PTPN23: variants seen among roughly 807,000 people sequenced by gnomAD.
PTPN23 encodes the protein protein tyrosine phosphatase non-receptor type 23, also known as tyrosine-protein phosphatase non-receptor type 23.
PTPN23 carries 72 observed loss-of-function variants against 156.3 expected under a neutral mutation model. The ratio of observed to expected loss-of-function variants is 0.46; its 90% confidence interval spans 0.38 to 0.56. The LOEUF (loss-of-function observed/expected upper bound fraction) is 0.56, where lower values mean the gene tolerates loss of function less well. PTPN23 is among the 20% of genes least tolerant of loss of function. The probability of loss-of-function intolerance (pLI) is 0.00; values close to 1 mark genes in which losing one functional copy is unlikely to be tolerated. For missense variants in PTPN23, 1,974 were observed against 2,171.5 expected (o/e 0.91, Z 1.81); for synonymous variants, 957 against 899.6 (o/e 1.06, Z -1.14).
Position 47,413,422 on chromosome 3 carries a change from C to G in PTPN23, c.*237C>G. 1 of 576,774 alleles carries G rather than the reference C, an allele frequency of 1.7e-6. No individual in the cohort carries two copies. The highest frequency in any genetic ancestry group is 3.0e-6 in the Non-Finnish European group (1 of 336,748). 35.7% of individuals were successfully genotyped at this position (576,774 alleles called of 1,614,324 possible). On this transcript the variant is annotated 3_prime_UTR_variant, in exon 25 of 25. Coordinates refer to ENST00000265562, the MANE Select transcript of PTPN23 (RefSeq NM_015466.4). ...GCTCTTTGCTATTGAAATAATAAAC[C>G]ACCCTGTTCTGTGGCCCGTGTCTGA...
rs186559335 is a variant in PTPN23 at position 47,382,731 on chromosome 3, C to T, written c.84+1551C>T. On this transcript the variant is annotated intron_variant, in intron 1 of 24. Transcript: ENST00000265562. The stretch of plus-strand genomic sequence containing the variant: ...TGAGACGGAGTCTCACTCTGTCACC[C>T]AGGCTGGAGTGCAGTGGCGCAATCT... Among the ~76,000 whole-genome samples the T allele has an allele frequency of 6.4e-3, 776 of 121,612 alleles. 6 individuals carry two copies. The highest frequency in any genetic ancestry group is 0.022 in the African/African-American group (734 of 33,634). The allele number at this position is 121,612 out of a possible 152,430, so 79.8% of individuals were successfully genotyped here.
At position 47,381,111 on chromosome 3, in the gene PTPN23, C is replaced by T. The variant is rs756162016; in HGVS notation, c.15C>T (p.Pro5=). 2 of 1,581,922 alleles carry T rather than the reference C, an allele frequency of 1.3e-6. No homozygotes were observed. Among genetic ancestry groups the T allele is most frequent in the Non-Finnish European group, 1.7e-6 (2 of 1,165,036 alleles). The change falls in exon 1 of 25, where the codon CCC becomes CCT. Residue 5 remains proline, a synonymous_variant. Transcript: ENST00000265562. Reference sequence around the variant, plus strand: ...TGCCAGCCGCCATGGAGGCCGTGCCCCGCATGCCCATGATCTGGCTGGACC... The same window carrying T: ...TGCCAGCCGCCATGGAGGCCGTGCCTCGCATGCCCATGATCTGGCTGGACC... MEAV[P]RMPMIWLDLK...
chr3:47,412,535 G>C lies in PTPN23; in HGVS notation c.4339G>C (p.Glu1447Gln). The change falls in exon 24 of 25, where the codon GAG becomes CAG. Residue 1447 changes from glutamate (E) to glutamine (Q), a missense_variant. Physicochemically the swap from Glu to Gln is conservative, Grantham distance 29 (BLOSUM62 2). Around this residue, in one of 4 missense-constraint regions of PTPN23, gnomAD observed 484 missense variants for 516.0 expected, o/e 0.94. Coordinates refer to ENST00000265562, the MANE Select transcript of PTPN23 (RefSeq NM_015466.4). ...QEKLHLRFCYEAVVRHVEQVL... is the reference protein window; with the variant it reads ...QEKLHLRFCYQAVVRHVEQVL... ...GCAGCTGCACCTCAGGTTCTGCTAT[G>C]AGGCAGTGGTGAGACACGTGGAGCA... The C allele has an allele frequency of 1.2e-6, 2 of 1,613,540 alleles. No homozygotes were observed. The highest frequency in any genetic ancestry group is 1.7e-6 in the Non-Finnish European group (2 of 1,179,966).
At chr3:47,393,141 C>T (rs1276020654) in intron 1 of PTPN23, among the ~76,000 whole-genome samples, 1 of 151,284 alleles carries the variant, frequency 6.6e-6, no homozygotes, top group Non-Finnish European at 1.5e-5. Flanking sequence ...CAGTGTGTTA[C>T]CTAGTTTTGT....
Position 47,411,236 on chromosome 3 carries a change from G to T in PTPN23, c.3438G>T (p.Val1146=). Reference sequence around the variant, plus strand: ...AGCCCCTGCTGCAGCCCACCAAGGTGGATGCAGCTGAGGGTCGTCGGCCGC... The same window carrying T: ...AGCCCCTGCTGCAGCCCACCAAGGTTGATGCAGCTGAGGGTCGTCGGCCGC... ...GGQPLLQPTK[V]DAAEGRRPQA... The change falls in exon 20 of 25, where the codon GTG becomes GTT. Residue 1146 remains valine, a synonymous_variant. Coordinates refer to ENST00000265562, the MANE Select transcript of PTPN23 (RefSeq NM_015466.4). This position sits in a 1 kb window ranked among gnomAD's most constrained non-coding sequence, Gnocchi z 6.3. 6.2e-7 allele frequency: 1 copy of T among 1,607,710 alleles called. No individual in the cohort carries two copies.
At chr3:47,387,689 AAC>A (rs1394194794) in intron 1 of PTPN23, among the ~76,000 whole-genome samples, 2 of 152,344 alleles carry the variant, frequency 1.3e-5, no homozygotes, top group Admixed American at 1.3e-4. Flanking sequence ...AGGTAAAACT[AAC>A]ACATGTGATG....
Position 47,408,887 on chromosome 3 carries a change from G to A in PTPN23, c.1442G>A (p.Gly481Glu), listed in dbSNP as rs762959144. ...QKFQEAVGQAGAISITSKAEL... is the reference protein window; with the variant it reads ...QKFQEAVGQAEAISITSKAEL... ...TTTCAGGAGGCGGTGGGCCAGGCAGGGGCCATCTCCATCACCTCCAAGGCT... is the reference window on the plus strand; with the variant it reads ...TTTCAGGAGGCGGTGGGCCAGGCAGAGGCCATCTCCATCACCTCCAAGGCT... The change falls in exon 16 of 25, where the codon GGG becomes GAG. Residue 481 changes from glycine to glutamate, a missense_variant. By Grantham distance (98) the Gly-to-Glu change is moderately conservative. Transcript: ENST00000265562. 2.2e-5 allele frequency: 35 copies of A among 1,614,112 alleles called. No homozygotes were observed. Among genetic ancestry groups the A allele is most frequent in the Non-Finnish European group, 2.9e-5 (34 of 1,180,048 alleles).
intron 1 of PTPN23, among the ~76,000 whole-genome samples, chr3:47,395,078 G>A (rs1219450116): frequency 1.3e-5 from 2 of 152,138 alleles, no homozygotes; most frequent in Admixed American, 1.3e-4. Flanking sequence ...TTCTCCCTTT[G>A]CTCACCAGGC....
intron 1 of PTPN23, among the ~76,000 whole-genome samples, chr3:47,385,302 A>C (rs1477188462): frequency 6.6e-6 from 1 of 152,024 alleles, no homozygotes; most frequent in Non-Finnish European, 1.5e-5. Context: ...CTGAGCTGTT[A>C]CGTTCATCCC....
At position 47,381,032 on chromosome 3, in the gene PTPN23, C is replaced by T. The variant is rs1458595961; in HGVS notation, c.-65C>T. The T allele has an allele frequency of 3.2e-6, 5 of 1,548,312 alleles. No homozygotes were observed. In the African/African-American group the frequency reaches 4.1e-5, roughly 13 times the overall value. On this transcript the variant is annotated 5_prime_UTR_variant, in exon 1 of 25. Transcript: ENST00000265562. ...CGGCACGAAGGGGCGGGGCTGGGCTCGTGGCTGAGCCAGCAGCTGCAGCAG... is the reference window on the plus strand; with the variant it reads ...CGGCACGAAGGGGCGGGGCTGGGCTTGTGGCTGAGCCAGCAGCTGCAGCAG...
chr3:47,412,032 G>A (rs1705313106), intron 21 of PTPN23, 62 bp from the exon 22 acceptor site: 5 of 1,608,118 alleles, frequency 3.1e-6, no homozygotes, highest in Admixed American at 1.7e-5. Context: ...GTGCTGGGAG[G>A]GATGAGAGCC....
intron 1 of PTPN23, among the ~76,000 whole-genome samples, chr3:47,388,284 C>G (rs1423381344): frequency 6.6e-6 from 1 of 152,174 alleles, no homozygotes; most frequent in Non-Finnish European, 1.5e-5. Context: ...TCTTGGCACA[C>G]TGCAGCCTCT....
Position 47,412,761 on chromosome 3 carries a change from G to C in PTPN23, c.4487G>C (p.Ser1496Thr), listed in dbSNP as rs1263826933. 1.2e-6 allele frequency: 2 copies of C among 1,611,606 alleles called. No homozygotes were observed. Among genetic ancestry groups the C allele is most frequent in the Non-Finnish European group, 1.7e-6 (2 of 1,178,752 alleles). ...GTCCTCGGTGGGGATGTGCCCATCA[G>C]CTCCATCCAGGCCACCATTGCCAAG... is the stretch of plus-strand genomic sequence containing the variant. The part of the protein sequence containing the change: ...DLVLGGDVPI[S>T]SIQATIAKLS... Residue 1496 changes from serine (S) to threonine (T), a missense_variant, in exon 25 of 25, where the codon AGC becomes ACC. Ser to Thr is a moderately conservative substitution (Grantham distance 58). Coordinates refer to ENST00000265562, the MANE Select transcript of PTPN23 (RefSeq NM_015466.4).
Position 47,407,478 on chromosome 3 carries a change from C to T in PTPN23, c.924-27C>T, listed in dbSNP as rs1705156068. 1.9e-6 allele frequency: 3 copies of T among 1,609,998 alleles called. No individual in the cohort carries two copies. Among genetic ancestry groups the T allele is most frequent in the South Asian group, 1.1e-5 (1 of 90,976 alleles). ...GATCCCCACTGACACCCCGTGACTGCCCACTCCCCCTGCTCCTGATCCCCA... is the reference window on the plus strand; with the variant it reads ...GATCCCCACTGACACCCCGTGACTGTCCACTCCCCCTGCTCCTGATCCCCA... On this transcript the variant is annotated intron_variant, in intron 11 of 24. Coordinates refer to ENST00000265562, the MANE Select transcript of PTPN23 (RefSeq NM_015466.4). This position sits in a 1 kb window ranked among gnomAD's most constrained non-coding sequence, Gnocchi z 4.0.
In PTPN23 at chr3:47,411,885, G is replaced by A; in HGVS notation, c.3991G>A (p.Glu1331Lys). 1.2e-6 allele frequency: 2 copies of A among 1,613,304 alleles called. No individual in the cohort carries two copies. The highest frequency in any genetic ancestry group is 1.7e-6 in the Non-Finnish European group (2 of 1,179,992). The change falls in exon 21 of 25, where the codon GAG becomes AAG. Residue 1331 changes from glutamate to lysine, a missense_variant. This residue lies in a region of PTPN23 where 484 missense variants were observed against 516.0 expected (regional missense o/e 0.94). Coordinates refer to ENST00000265562, the MANE Select transcript of PTPN23 (RefSeq NM_015466.4). This position sits in a 1 kb window ranked among gnomAD's most constrained non-coding sequence, Gnocchi z 6.3. ...CGTCCGCAGCACCGAAACCCATGTG[G>A]AGCGCGTGCTGAGCCTGCAGTTCCG... ...SSVRSTETHV[E>K]RVLSLQFRDQ...
At position 47,408,979 on chromosome 3, in the gene PTPN23, AAC is replaced by A; in HGVS notation, c.1536_1537del (p.Asn512LysfsTer2). On this transcript the variant is annotated frameshift_variant, in exon 16 of 25. Coordinates refer to ENST00000265562, the MANE Select transcript of PTPN23 (RefSeq NM_015466.4). LOFTEE classifies it high-confidence loss of function. The part of the protein sequence containing the change: ...MEVHEKASFT[N>X]SELHRAMNLH... The stretch of plus-strand genomic sequence containing the variant: ...AGTCCATGAGAAGGCCTCCTTCACC[AAC>A]AGTGAGCTGCACCGTGCCATGAACC... 1 of 1,614,180 alleles carries A rather than the reference AAC, an allele frequency of 6.2e-7. No individual in the cohort carries two copies. Among genetic ancestry groups the A allele is most frequent in the Non-Finnish European group, 8.5e-7 (1 of 1,180,020 alleles).
At chr3:47,392,822 A>G (rs1027858121) in intron 1 of PTPN23, among the ~76,000 whole-genome samples, 1 of 152,106 alleles carries the variant, frequency 6.6e-6, no homozygotes, top group Non-Finnish European at 1.5e-5. Context: ...AAATTGGAAG[A>G]ATAATTCAGT....
rs758710714 is a variant in PTPN23 at position 47,410,436 on chromosome 3, GCCA to G, written c.2646_2648del (p.Thr883del). The G allele has an allele frequency of 1.2e-6, 2 of 1,611,308 alleles. No individual in the cohort carries two copies. Among genetic ancestry groups the G allele is most frequent in the East Asian group, 2.2e-5 (1 of 44,810 alleles). On this transcript the variant is annotated inframe_deletion, in exon 20 of 25. Transcript: ENST00000265562. ...CGAGTTGGCCATGGCGGTTCGGCCA[GCCA>G]CCACCACAGTAGATAGCATCCAGGC...
intron 2 of PTPN23, 33 bp downstream of exon 2, chr3:47,396,250 G>T (rs1370960115): frequency 5.1e-6 from 8 of 1,561,792 alleles, no homozygotes; most frequent in Non-Finnish European, 7.0e-6. Context: ...TTATGCATGG[G>T]TAGACAGGAT....
Sources: gnomAD v4.1 joint callset for allele counts (sites outside exome capture counted in the v4.1 genomes callset) on GRCh38, gnomAD v4.1.1 for gene constraint, gnomAD v4.1.1 regional missense constraint, Gnocchi (gnomAD v3.1) non-coding constraint, MANE v1.5 for transcripts, NCBI Gene and HGNC (gene_info 2026-07-23, HGNC 2026-07-21) for gene names.